MKS1: variants seen among roughly 807,000 people sequenced by gnomAD.
The protein encoded by MKS1 is MKS transition zone complex subunit 1, also known as tectonic-like complex member MKS1.
A neutral mutation model predicts 83.7 loss-of-function variants in MKS1; 70 were observed. That is an observed-to-expected ratio of 0.84 (90% confidence interval 0.69 to 1.02). The LOEUF (loss-of-function observed/expected upper bound fraction) is 1.02. Ranked by LOEUF, MKS1 falls within the 50% of genes least tolerant of loss-of-function variation. The pLI is 0.00. For synonymous variants in MKS1, 251 were observed against 273.4 expected (o/e 0.92, Z 0.81); for missense variants, 681 against 726.9 (o/e 0.94, Z 0.73).
In MKS1 at chr17:58,209,750, G is replaced by A. The variant is rs112880708; in HGVS notation, c.1024+909C>T. On this transcript the variant is annotated intron_variant, in intron 11 of 17. Coordinates refer to ENST00000393119, the MANE Select transcript of MKS1 (RefSeq NM_017777.4). The surrounding 1 kb of genome is among the most constrained non-coding windows in gnomAD (Gnocchi z 4.1). The stretch of plus-strand genomic sequence containing the variant: ...TTTACTCTAAGTGGGAGGGGAAGCT[G>A]TTGGGGTTTTCAGCTCAAAAGGGAC... Among the ~76,000 whole-genome samples, 2,950 of 152,348 alleles carry A rather than the reference G, an allele frequency of 0.019. 93 individuals are homozygous for A. The highest frequency in any genetic ancestry group is 0.066 in the African/African-American group (2,758 of 41,564).
At chr17:58,214,980 C>A in intron 4 of MKS1, 142 bp from the exon 5 acceptor site, 2 of 1,367,106 alleles carry the variant, frequency 1.5e-6, no homozygotes, top group Non-Finnish European at 9.9e-7. Flanking sequence ...TACATGCTAA[C>A]GGAGGGAGCA....
rs758918957 is a variant in MKS1, at chr17:58,207,949, GA to G, written c.1217del (p.Phe406SerfsTer24). Reference protein sequence around the residue: ...VLYCEVLSLDFWQRYRVEGYG... With the variant: ...VLYCEVLSLDXWQRYRVEGYG... Reference sequence around the variant, plus strand: ...AGCCTTCCACACGGTACCTCTGCCAGAAGTCCAGCGAGAGGACCTCACAGTA... The same window carrying G: ...AGCCTTCCACACGGTACCTCTGCCAGAGTCCAGCGAGAGGACCTCACAGTA... On this transcript the variant is annotated frameshift_variant, in exon 14 of 18. Coordinates refer to ENST00000393119, the MANE Select transcript of MKS1 (RefSeq NM_017777.4). LOFTEE classifies it high-confidence loss of function. 6.2e-7 allele frequency: 1 copy of G among 1,614,116 alleles called. No individual in the cohort carries two copies. The highest frequency in any genetic ancestry group is 2.2e-5 in the East Asian group (1 of 44,868).
chr17:58,210,610 A>C, intron 11 of MKS1, 49 bp downstream of exon 11: 7 of 1,538,306 alleles, frequency 4.6e-6, no homozygotes, highest in Non-Finnish European at 6.3e-6. Flanking sequence ...AAATGCCTCT[A>C]GATCTGTCTG....
chr17:58,214,710 A>G, intron 5 of MKS1, 31 bp downstream of exon 5: 1 of 1,587,950 alleles, frequency 6.3e-7, no homozygotes, highest in South Asian at 1.1e-5. Context: ...AAAAAGTAAA[A>G]GCTTGTCCCC....
At position 58,207,167 on chromosome 17, in the gene MKS1, A is replaced by C. The variant is rs754930606; in HGVS notation, c.1325T>G (p.Val442Gly). The C allele has an allele frequency of 5.0e-6, 8 of 1,614,066 alleles. No homozygotes were observed. In the Middle Eastern group the frequency reaches 4.9e-4, roughly 99 times the overall value. ...STWRPVELGT[V>G]AELRRFFIGG... ...AATGAAAAACCTCCTCAGCTCAGCC[A>C]CCGTGCCAAGCTCCACAGGTCTCCA... The change falls in exon 15 of 18, where the codon GTG becomes GGG. Residue 442 changes from valine (V) to glycine (G), a missense_variant. This residue lies in a region of MKS1 where 310 missense variants were observed against 321.7 expected (regional missense o/e 0.96). Coordinates refer to ENST00000393119, the MANE Select transcript of MKS1 (RefSeq NM_017777.4).
rs745757271 is a variant in MKS1 at position 58,209,970 on chromosome 17, G to A, written c.1024+689C>T. On this transcript the variant is annotated intron_variant, in intron 11 of 17. Coordinates refer to ENST00000393119, the MANE Select transcript of MKS1 (RefSeq NM_017777.4). This position sits in a 1 kb window ranked among gnomAD's most constrained non-coding sequence, Gnocchi z 4.1. ...TCACAACAGCTTTTGAAGACAGAAC[G>A]GACAGGAACTGTTGACAGATTGGCT... Among the ~76,000 whole-genome samples, 1 of 152,138 alleles carries A rather than the reference G, an allele frequency of 6.6e-6. No homozygotes were observed. Among genetic ancestry groups the A allele is most frequent in the Non-Finnish European group, 1.5e-5 (1 of 68,018 alleles).
chr17:58,216,560 T>G, intron 3 of MKS1, 106 bp downstream of exon 3: 1 of 1,268,162 alleles, frequency 7.9e-7, no homozygotes, highest in African/African-American at 1.5e-5. Context: ...GGGGAAAGTA[T>G]AAACTGTTAC....
intron 4 of MKS1, chr17:58,215,884 A>G (rs1969165354): frequency 1.6e-6 from 1 of 625,936 alleles, no homozygotes; most frequent in Non-Finnish European, 2.8e-6. Flanking sequence ...TCTAGCAGGC[A>G]GAGAAGGGAG....
At chr17:58,208,056 C>T in intron 13 of MKS1, 49 bp downstream of exon 13, 1 of 1,607,830 alleles carries the variant, frequency 6.2e-7, no homozygotes, top group Non-Finnish European at 8.5e-7. Flanking sequence ...CAAGAGACAG[C>T]ACTGCTTGAG....
At chr17:58,212,565 C>T (rs879233740) in intron 8 of MKS1, 131 bp from the exon 9 acceptor site, 23 of 964,224 alleles carry the variant, frequency 2.4e-5, no homozygotes, top group Non-Finnish European at 3.3e-5. Context: ...CCTGACTCAC[C>T]GCCATTTTAC....
In MKS1 at chr17:58,205,669, A is replaced by G; in HGVS notation, c.*410T>C. 1 of 1,310,650 alleles carries G rather than the reference A, an allele frequency of 7.6e-7. No homozygotes were observed. The highest frequency in any genetic ancestry group is 1.0e-6 in the Non-Finnish European group (1 of 993,420). 81.2% of individuals were successfully genotyped at this position (1,310,650 alleles called of 1,614,324 possible). A position where few individuals can be genotyped will look rare whatever the true frequency, so the allele number is the denominator to read the frequency against. On this transcript the variant is annotated 3_prime_UTR_variant, in exon 18 of 18. Transcript: ENST00000393119. ...GGGATTTAAGACCCTCTCACCGTCC[A>G]CCTTCCTTCCTTCTTTGGTCTTGGA...
At position 58,210,703 on chromosome 17, in the gene MKS1, T is replaced by C; in HGVS notation, c.980A>G (p.Tyr327Cys). 6.2e-6 allele frequency: 10 copies of C among 1,614,176 alleles called. No homozygotes were observed. Among genetic ancestry groups the C allele is most frequent in the East Asian group, 2.2e-5 (1 of 44,892 alleles). The change falls in exon 11 of 18, where the codon TAT becomes TGT. Residue 327 changes from tyrosine (Y) to cysteine (C), a missense_variant. Tyr to Cys is a radical substitution (Grantham distance 194). Coordinates refer to ENST00000393119, the MANE Select transcript of MKS1 (RefSeq NM_017777.4). The part of the protein sequence containing the change: ...GEVVSAQGYE[Y>C]DNLYVHFFVE... ...AAAGAAGTGGACGTAGAGATTGTCATACTCATAGCCTTGGGCTGAAACTAC... is the reference window on the plus strand; with the variant it reads ...AAAGAAGTGGACGTAGAGATTGTCACACTCATAGCCTTGGGCTGAAACTAC...
chr17:58,219,035 C>A (rs1225853981), intron 1 of MKS1, 116 bp downstream of exon 1: 7 of 1,415,128 alleles, frequency 4.9e-6, no homozygotes, highest in Non-Finnish European at 1.9e-6. Flanking sequence ...GTGGGGAGCC[C>A]GGAGAAGTGG....
intron 9 of MKS1, among the ~76,000 whole-genome samples, chr17:58,211,776 G>C (rs1968891616): frequency 2.1e-5 from 3 of 142,130 alleles, no homozygotes; most frequent in South Asian, 4.4e-4. Context: ...ATGTTGCCCA[G>C]GCTGCTCTCA....
rs376866462 is a variant in MKS1 at position 58,214,438 on chromosome 17, C to T, written c.516-51G>A. The T allele has an allele frequency of 3.1e-6, 5 of 1,611,754 alleles. No homozygotes were observed. The African/African-American group carries it at 6.7e-5, about 22-fold the overall frequency. On this transcript the variant is annotated intron_variant, in intron 5 of 17. Coordinates refer to ENST00000393119, the MANE Select transcript of MKS1 (RefSeq NM_017777.4). ...TTCCCTGGCACACCCCAATGGAGCA[C>T]CCCAGTGGAGAGCCACTTCAGAATG...
rs1279214445 is a variant in MKS1 at position 58,205,559 on chromosome 17, T to G, written c.*520A>C. The G allele has an allele frequency of 7.7e-7, 1 of 1,304,540 alleles. No individual in the cohort carries two copies. 80.8% of individuals were successfully genotyped at this position (1,304,540 alleles called of 1,614,324 possible). A position where few individuals can be genotyped will look rare whatever the true frequency, so the allele number is the denominator to read the frequency against. On this transcript the variant is annotated 3_prime_UTR_variant, in exon 18 of 18. Transcript: ENST00000393119. ...AGCACTGCCTTCAGCCTTCACTTAC[T>G]CAGAAATAACTCATATCTCAACCTC... is the stretch of plus-strand genomic sequence containing the variant.
Position 58,216,863 on chromosome 17 carries a change from T to G in MKS1, c.191-127A>C. ...AAAAACTAGCTGGAATTCAGCAATT[T>G]AGTAAGCACTCAACCTAGAGAAATG... On this transcript the variant is annotated intron_variant, in intron 2 of 17. Coordinates refer to ENST00000393119, the MANE Select transcript of MKS1 (RefSeq NM_017777.4). 4 of 891,420 alleles carry G rather than the reference T, an allele frequency of 4.5e-6. No individual in the cohort carries two copies. The South Asian group carries it at 5.6e-5, about 13-fold the overall frequency. The allele number at this position is 891,420 out of a possible 1,614,324, so 55.2% of individuals were successfully genotyped here. A position where few individuals can be genotyped will look rare whatever the true frequency, so the allele number is the denominator to read the frequency against.
chr17:58,213,982 G>C, intron 6 of MKS1, 113 bp from the exon 7 acceptor site: 1 of 1,050,866 alleles, frequency 9.5e-7, no homozygotes, highest in Non-Finnish European at 1.4e-6. Flanking sequence ...AGCTGTCATG[G>C]TAAAACTTTC....
rs1288468549 is a variant in MKS1, at chr17:58,205,883, C to T, written c.*196G>A. 1.4e-6 allele frequency: 2 copies of T among 1,440,892 alleles called. No homozygotes were observed. The highest frequency in any genetic ancestry group is 9.1e-7 in the Non-Finnish European group (1 of 1,094,924). 89.3% of individuals were successfully genotyped at this position (1,440,892 alleles called of 1,614,324 possible). ...ATATAAAGGGGGGGCCACAGGGTCT[C>T]TGGCTTTATTTCCACAGGGTAGGGA... On this transcript the variant is annotated 3_prime_UTR_variant, in exon 18 of 18. Coordinates refer to ENST00000393119, the MANE Select transcript of MKS1 (RefSeq NM_017777.4).
Sources: allele counts gnomAD v4.1 joint callset (sites outside exome capture counted in the v4.1 genomes callset), GRCh38; gene constraint gnomAD v4.1.1; regional missense constraint gnomAD v4.1.1; non-coding constraint Gnocchi (gnomAD v3.1); transcripts MANE v1.5; gene names NCBI Gene and HGNC (gene_info 2026-07-23, HGNC 2026-07-21).